BABAM2: variants seen among roughly 807,000 people sequenced by gnomAD.
The protein encoded by BABAM2 is BRISC and BRCA1-A complex member 2.
In BABAM2, 31 loss-of-function variants were observed where a neutral mutation model predicts 54.7. The ratio of observed to expected loss-of-function variants is 0.57; its 90% CI spans 0.43 to 0.77. BABAM2 has a LOEUF of 0.77. Among genes scored for constraint, BABAM2 ranks in the 30% least tolerant of loss-of-function variants. The probability of loss-of-function intolerance (pLI) is 0.00; values close to 1 mark genes in which losing one functional copy is unlikely to be tolerated. For synonymous variants in BABAM2, 167 were observed against 162.9 expected (o/e 1.03, Z -0.19); for missense variants, 364 against 455.8 (o/e 0.80, Z 1.83).
At chr2:28,273,601 C>T (rs916437205) in intron 10 of BABAM2, among the ~76,000 whole-genome samples, 4 of 152,128 alleles carry the variant, frequency 2.6e-5, no homozygotes, top group African/African-American at 9.7e-5. Context: ...GACTTGTAGT[C>T]CCAGCTTCTT....
At chr2:28,075,055 C>T (rs1293412904) in intron 6 of BABAM2, among the ~76,000 whole-genome samples, 1 of 152,104 alleles carries the variant, frequency 6.6e-6, no homozygotes, top group East Asian at 1.9e-4. Context: ...AGTTCACGGA[C>T]CCTTGGGGAC....
intron 2 of BABAM2, among the ~76,000 whole-genome samples, chr2:27,911,380 C>T (rs1353711803): frequency 1.3e-5 from 2 of 152,028 alleles, no homozygotes; most frequent in African/African-American, 4.8e-5. Flanking sequence ...AAAATTCTTT[C>T]AGTTCCATAT....
chr2:27,954,693 A>G (rs976951938), intron 3 of BABAM2, among the ~76,000 whole-genome samples: 3 of 152,218 alleles, frequency 2.0e-5, no homozygotes, highest in African/African-American at 7.2e-5. Context: ...AGCCGACCAA[A>G]TATCACGTTT....
At position 28,044,768 on chromosome 2, in the gene BABAM2, T is replaced by C. The variant is rs138135406; in HGVS notation, c.496-957T>C. ...ATATTAAAAGGATAGACATCCACTC[T>C]GAGTAGTTCTGGATCATTTCTGGAG... On this transcript the variant is annotated intron_variant, in intron 5 of 11. Transcript: ENST00000379624. 5.3e-5 allele frequency among the ~76,000 whole-genome samples: 8 copies of C among 152,334 alleles called. No individual in the cohort carries two copies. The East Asian group carries it at 1.2e-3, about 22-fold the overall frequency.
intron 6 of BABAM2, among the ~76,000 whole-genome samples, chr2:28,064,895 C>T (rs185517482): frequency 8.5e-4 from 129 of 151,500 alleles, no homozygotes; most frequent in Middle Eastern, 3.4e-3. Flanking sequence ...CCCAGCTACT[C>T]GGGAGGCCGA....
At chr2:28,056,537 A>G (rs1323939087) in intron 6 of BABAM2, among the ~76,000 whole-genome samples, 6 of 152,032 alleles carry the variant, frequency 3.9e-5, no homozygotes, top group African/African-American at 1.4e-4. Context: ...GGTGTATCTC[A>G]AATGATTATC....
intron 6 of BABAM2, among the ~76,000 whole-genome samples, chr2:28,127,923 C>G (rs1482190212): frequency 6.6e-6 from 1 of 151,886 alleles, no homozygotes; most frequent in East Asian, 1.9e-4. Flanking sequence ...TCTCCTGCCT[C>G]AGCGTCCCAA....
intron 4 of BABAM2, among the ~76,000 whole-genome samples, chr2:27,997,013 G>A (rs554540251): frequency 2.0e-5 from 3 of 152,168 alleles, no homozygotes; most frequent in East Asian, 3.9e-4. Flanking sequence ...CAAAGCAAAA[G>A]TACAAAAGAC....
intron 3 of BABAM2, among the ~76,000 whole-genome samples, chr2:27,968,542 C>T (rs1257449453): frequency 6.6e-6 from 1 of 152,206 alleles, no homozygotes; most frequent in Non-Finnish European, 1.5e-5. Flanking sequence ...TACTGGGGCA[C>T]CGCCTAGTGG....
At chr2:27,918,275 C>T (rs1667120283) in intron 2 of BABAM2, among the ~76,000 whole-genome samples, 1 of 152,200 alleles carries the variant, frequency 6.6e-6, no homozygotes, top group Non-Finnish European at 1.5e-5. Context: ...TACTGTTCTA[C>T]TTTCTCTGAC....
At chr2:28,071,306 G>A (rs1664120353) in intron 6 of BABAM2, among the ~76,000 whole-genome samples, 1 of 151,910 alleles carries the variant, frequency 6.6e-6, no homozygotes, top group Non-Finnish European at 1.5e-5. Context: ...TGTTATTATT[G>A]TTGTTGAAGA....
In BABAM2 at chr2:27,942,114, T is replaced by A. The variant is rs528102165; in HGVS notation, c.205+12206T>A. ...TTACATATTAATTTGTTCTAGCTAATCAGCTTAATAAACTGAGAATGCTGC... is the reference window on the plus strand; with the variant it reads ...TTACATATTAATTTGTTCTAGCTAAACAGCTTAATAAACTGAGAATGCTGC... On this transcript the variant is annotated intron_variant, in intron 3 of 11. Transcript: ENST00000379624. 2.0e-5 allele frequency among the ~76,000 whole-genome samples: 3 copies of A among 152,276 alleles called. No homozygotes were observed. In the South Asian group the frequency reaches 6.2e-4, roughly 32 times the overall value.
At chr2:28,147,175 A>G (rs1396025242) in intron 7 of BABAM2, among the ~76,000 whole-genome samples, 2 of 152,206 alleles carry the variant, frequency 1.3e-5, no homozygotes, top group Admixed American at 6.5e-5. Context: ...CGAAGGTTAC[A>G]GTAGGTGCCA....
intron 10 of BABAM2, among the ~76,000 whole-genome samples, chr2:28,276,395 A>G (rs1196636022): frequency 6.6e-6 from 1 of 152,162 alleles, no homozygotes; most frequent in East Asian, 1.9e-4. Flanking sequence ...TTCAATTCTG[A>G]TACACTTTTA....
intron 6 of BABAM2, among the ~76,000 whole-genome samples, chr2:28,093,557 C>T (rs1483696909): frequency 6.6e-6 from 1 of 152,132 alleles, no homozygotes; most frequent in Admixed American, 6.5e-5. Flanking sequence ...GGACTGAGAG[C>T]CGGCTACGAC....
At chr2:28,158,172 G>T (rs1371892363) in intron 7 of BABAM2, among the ~76,000 whole-genome samples, 1 of 152,144 alleles carries the variant, frequency 6.6e-6, no homozygotes, top group African/African-American at 2.4e-5. Flanking sequence ...ATGTTGTTCA[G>T]TTTACAGAAG....
chr2:28,226,345 T>C (rs958393545), intron 7 of BABAM2, among the ~76,000 whole-genome samples: 2 of 152,224 alleles, frequency 1.3e-5, no homozygotes, highest in Non-Finnish European at 2.9e-5. Flanking sequence ...TATACATTTA[T>C]TGGCTTTTAA....
At chr2:28,176,830 C>T (rs1003834591) in intron 7 of BABAM2, among the ~76,000 whole-genome samples, 5 of 135,596 alleles carry the variant, frequency 3.7e-5, no homozygotes, top group Admixed American at 7.6e-5. Context: ...TTTGAAATAA[C>T]CCAGTCAGAA....
intron 4 of BABAM2, among the ~76,000 whole-genome samples, chr2:28,022,865 AC>A (rs1243554216): frequency 6.6e-6 from 1 of 152,200 alleles, no homozygotes; most frequent in African/African-American, 2.4e-5. Flanking sequence ...GTATTGCCAG[AC>A]CTGTTTTTAA....
Sources: allele counts gnomAD v4.1 joint callset (sites outside exome capture counted in the v4.1 genomes callset), GRCh38; gene constraint gnomAD v4.1.1; transcripts MANE v1.5; gene names NCBI Gene and HGNC (gene_info 2026-07-23, HGNC 2026-07-21).